ARHGAP27: variants seen among roughly 807,000 people sequenced by gnomAD.
ARHGAP27 encodes the protein rho GTPase-activating protein 27.
In ARHGAP27, 53 loss-of-function variants were observed where a neutral mutation model predicts 102.0. The observed-to-expected ratio is 0.52, with a 90% confidence interval of 0.42 to 0.65. The LOEUF (loss-of-function observed/expected upper bound fraction) is 0.65, where lower values mean the gene tolerates loss of function less well. Ranked by LOEUF, ARHGAP27 falls within the 30% of genes least tolerant of loss-of-function variation. ARHGAP27 has a pLI of 0.00. For missense variants in ARHGAP27, 1,117 were observed against 1,256.2 expected (o/e 0.89, Z 1.68); for synonymous variants, 525 against 542.8 (o/e 0.97, Z 0.46).
chr17:45,410,229 T>C (rs983242331), intron 4 of ARHGAP27: 3 of 1,533,842 alleles, frequency 2.0e-6, no homozygotes, highest in African/African-American at 1.4e-5. Flanking sequence ...CAGCATCCCC[T>C]ACCTGTGCCG....
chr17:45,397,099 G>C lies in ARHGAP27; in HGVS notation c.1843-75C>G, dbSNP rs925687590. The C allele has an allele frequency of 2.5e-6, 4 of 1,570,220 alleles. No individual in the cohort carries two copies. In the African/African-American group the frequency reaches 5.4e-5, roughly 21 times the overall value. ...CCTTCCAGGATGGGGCAAGGGACCC[G>C]AAATGCACTCCCAACAGGCATGGCC... On this transcript the variant is annotated intron_variant, in intron 13 of 19. Transcript: ENST00000685559.
chr17:45,409,926 C>A, intron 4 of ARHGAP27: 1 of 398,794 alleles, frequency 2.5e-6, no homozygotes, highest in Non-Finnish European at 4.5e-6. Context: ...GACCTCAGGC[C>A]AGAGGAGGAG....
chr17:45,395,266 A>T lies in ARHGAP27; in HGVS notation c.*190T>A. The T allele has an allele frequency of 1.5e-6, 1 of 658,208 alleles. No homozygotes were observed. The highest frequency in any genetic ancestry group is 2.5e-6 in the Non-Finnish European group (1 of 398,096). The allele number at this position is 658,208 out of a possible 1,614,324, so 40.8% of individuals were successfully genotyped here. A position where few individuals can be genotyped will look rare whatever the true frequency, so the allele number is the denominator to read the frequency against. Reference sequence around the variant, plus strand: ...GAAGGGGGGATGGGGAGTTGGGAAGAAGGAATCACATTTTGCAAACTGCCC... The same window carrying T: ...GAAGGGGGGATGGGGAGTTGGGAAGTAGGAATCACATTTTGCAAACTGCCC... On this transcript the variant is annotated 3_prime_UTR_variant, in exon 20 of 20. Coordinates refer to ENST00000685559, the MANE Select transcript of ARHGAP27 (RefSeq NM_001282290.2).
intron 13 of ARHGAP27, chr17:45,397,356 T>C: frequency 1.7e-6 from 2 of 1,160,696 alleles, no homozygotes; most frequent in African/African-American, 3.2e-5. Context: ...CCTCAATACG[T>C]GGCTCCCAGT....
Position 45,396,623 on chromosome 17 carries a change from C to A in ARHGAP27, c.2075-38G>T, listed in dbSNP as rs770001384. The A allele has an allele frequency of 9.9e-6, 16 of 1,611,550 alleles. No individual in the cohort carries two copies. The East Asian group carries it at 3.6e-4, about 36-fold the overall frequency. On this transcript the variant is annotated intron_variant, in intron 15 of 19. Coordinates refer to ENST00000685559, the MANE Select transcript of ARHGAP27 (RefSeq NM_001282290.2). ...CTCATCAGCTCCTGCCCAGCCTGCG[C>A]CCCGTCCCGGTCCCGGGTCCCCGCC...
chr17:45,407,629 C>T (rs2047373846), intron 4 of ARHGAP27: 1 of 151,544 alleles, frequency 6.6e-6, no homozygotes, highest in Admixed American at 6.6e-5. Flanking sequence ...ATTCTCATGC[C>T]TCAGCCTCCC....
At position 45,396,797 on chromosome 17, in the gene ARHGAP27, C is replaced by T. The variant is rs757257402; in HGVS notation, c.1952-7G>A. On this transcript the variant is annotated splice_polypyrimidine_tract_variant and splice_region_variant and intron_variant, in intron 14 of 19. Transcript: ENST00000685559. Reference sequence around the variant, plus strand: ...GGGCCCAGGGCGGGCGCGGCTGCCGCGGGGAAAGGCAGGACTGAGTCAGGA... The same window carrying T: ...GGGCCCAGGGCGGGCGCGGCTGCCGTGGGGAAAGGCAGGACTGAGTCAGGA... The T allele has an allele frequency of 3.9e-5, 62 of 1,609,126 alleles. No homozygotes were observed. The East Asian group carries it at 1.3e-3, about 34-fold the overall frequency.
At chr17:45,425,970 C>A (rs755264067) in intron 4 of ARHGAP27, among the ~76,000 whole-genome samples, 134 of 152,316 alleles carry the variant, frequency 8.8e-4, no homozygotes, top group Non-Finnish European at 1.7e-3. Context: ...TCCTGGGCAG[C>A]AAAAGAACAG....
rs781446038 is a variant in ARHGAP27, at chr17:45,395,959, G to A, written c.2386+24C>T. The A allele has an allele frequency of 5.0e-6, 8 of 1,596,260 alleles. No individual in the cohort carries two copies. The Admixed American group carries it at 6.8e-5, about 14-fold the overall frequency. On this transcript the variant is annotated intron_variant, in intron 18 of 19. Transcript: ENST00000685559. ...GCCCCGCCACGCCCCTACCCCATCC[G>A]CCCCACCTGCCCCAGGTGCTCACTG...
At chr17:45,413,005 A>G (rs1307279697) in intron 4 of ARHGAP27, among the ~76,000 whole-genome samples, 16 of 84,048 alleles carry the variant, frequency 1.9e-4, no homozygotes, top group Admixed American at 3.8e-4. Context: ...TTTTTAATGG[A>G]GTCTCACTCT....
chr17:45,413,097 A>G (rs2048094348), intron 4 of ARHGAP27, among the ~76,000 whole-genome samples: 2 of 144,314 alleles, frequency 1.4e-5, no homozygotes, highest in East Asian at 4.1e-4. Context: ...CTCCTGCCTC[A>G]GCTTCCTGAG....
intron 4 of ARHGAP27, among the ~76,000 whole-genome samples, chr17:45,412,612 G>C (rs1432911662): frequency 6.6e-6 from 1 of 152,234 alleles, no homozygotes; most frequent in African/African-American, 2.4e-5. Context: ...GCCAGGTGGA[G>C]GGAGAGCCAG....
At chr17:45,397,600 C>T in intron 13 of ARHGAP27, 1 of 273,570 alleles carries the variant, frequency 3.7e-6, no homozygotes, top group Non-Finnish European at 6.8e-6. Context: ...AAAAAATGGT[C>T]GACTATTGAA....
At chr17:45,405,619 G>A in intron 5 of ARHGAP27, 57 bp downstream of exon 5, 1 of 1,517,476 alleles carries the variant, frequency 6.6e-7, no homozygotes, top group African/African-American at 1.4e-5. Flanking sequence ...CTGGGAGCAG[G>A]AGGCGGGATC....
intron 4 of ARHGAP27, chr17:45,410,473 G>A (rs2047786059): frequency 9.2e-6 from 12 of 1,300,492 alleles, no homozygotes; most frequent in East Asian, 3.1e-5. Context: ...GGGGCGGGTG[G>A]GGTGGAGGGG....
chr17:45,429,819 G>A lies in ARHGAP27; in HGVS notation c.461C>T (p.Ala154Val), dbSNP rs917558326. The change falls in exon 4 of 20, where the codon GCG becomes GTG. Residue 154 changes from alanine to valine, a missense_variant. Physicochemically the swap from Ala to Val is moderately conservative, Grantham distance 64 (BLOSUM62 0). Transcript: ENST00000685559. ...GCAGGCCAGGTCGTTCAGGGACTGC[G>A]CGGGCCGCACGGGCGCCGCGGGCCG... is the stretch of plus-strand genomic sequence containing the variant. Reference protein sequence around the residue: ...YLRPAAPVRPAQSLNDLACAA... With the variant: ...YLRPAAPVRPVQSLNDLACAA... 8 of 1,445,120 alleles carry A rather than the reference G, an allele frequency of 5.5e-6. No homozygotes were observed. The highest frequency in any genetic ancestry group is 6.0e-5 in the Admixed American group (2 of 33,252). The allele number at this position is 1,445,120 out of a possible 1,614,324, so 89.5% of individuals were successfully genotyped here.
chr17:45,409,998 G>T, intron 4 of ARHGAP27: 1 of 567,106 alleles, frequency 1.8e-6, no homozygotes, highest in Non-Finnish European at 3.1e-6. Context: ...CCTTACAGTG[G>T]TTCACCCCTT....
intron 4 of ARHGAP27, 104 bp from the exon 5 acceptor site, chr17:45,406,187 CT>C: frequency 7.7e-7 from 1 of 1,299,914 alleles, no homozygotes; most frequent in Non-Finnish European, 1.0e-6. Context: ...TTTGTTTTCG[CT>C]TTATTTTCTT....
chr17:45,416,032 G>GTTTTTTTTTTT (rs35276396), intron 4 of ARHGAP27, among the ~76,000 whole-genome samples: 1 of 143,360 alleles, frequency 7.0e-6, no homozygotes. Flanking sequence ...TGAAGTTTTT[G>GTTTTTTTTTTT]TTTTTTTTTT....
Sources: gnomAD v4.1 joint callset for allele counts (sites outside exome capture counted in the v4.1 genomes callset) on GRCh38, gnomAD v4.1.1 for gene constraint, MANE v1.5 for transcripts, NCBI Gene and HGNC (gene_info 2026-07-23, HGNC 2026-07-21) for gene names.